PRKCI: variants seen among roughly 807,000 people sequenced by gnomAD.
PRKCI encodes the protein protein kinase C iota type.
In PRKCI, 43 loss-of-function variants were observed where a neutral mutation model predicts 84.0. The ratio of observed to expected loss-of-function variants is 0.51; its 90% confidence interval spans 0.40 to 0.66. PRKCI has a LOEUF of 0.66. Among genes scored for constraint, PRKCI ranks in the 30% least tolerant of loss-of-function variants. The pLI, the probability that PRKCI is intolerant of heterozygous loss-of-function variation, is 0.00. For synonymous variants in PRKCI, 216 were observed against 234.4 expected (o/e 0.92, Z 0.72); for missense variants, 459 against 745.6 (o/e 0.62, Z 4.48).
intron 8 of PRKCI, among the ~76,000 whole-genome samples, chr3:170,278,439 G>A (rs927618218): frequency 6.6e-6 from 1 of 152,122 alleles, no homozygotes; most frequent in Non-Finnish European, 1.5e-5. Context: ...ATCATTTGAG[G>A]CCAGTAGTTC....
intron 2 of PRKCI, among the ~76,000 whole-genome samples, chr3:170,241,575 A>T (rs2108839945): frequency 6.6e-6 from 1 of 152,162 alleles, no homozygotes; most frequent in South Asian, 2.1e-4. Context: ...TTATCCATTG[A>T]TGGGCATTTC....
chr3:170,222,834 A>G (rs548110397), intron 1 of PRKCI, 64 bp downstream of exon 1: 2 of 243,896 alleles, frequency 8.2e-6, no homozygotes, highest in Non-Finnish European at 1.2e-5. Context: ...GGCCTGGAGG[A>G]GGGGAGGGTG....
intron 1 of PRKCI, among the ~76,000 whole-genome samples, chr3:170,230,773 A>G (rs1216535885): frequency 6.6e-6 from 1 of 152,010 alleles, no homozygotes; most frequent in Non-Finnish European, 1.5e-5. Flanking sequence ...TTCACCACTG[A>G]TTTGAAATGG....
intron 2 of PRKCI, among the ~76,000 whole-genome samples, chr3:170,257,699 T>C (rs934792851): frequency 1.1e-4 from 17 of 151,358 alleles, no homozygotes; most frequent in Admixed American, 8.6e-4. Context: ...AGTCTCGCTC[T>C]TGTTGCCCAG....
chr3:170,232,516 T>C (rs1208616315), intron 1 of PRKCI, among the ~76,000 whole-genome samples: 2 of 151,892 alleles, frequency 1.3e-5, no homozygotes, highest in Non-Finnish European at 2.9e-5. Context: ...GATATGATTA[T>C]CTCCATTTTT....
chr3:170,237,427 A>G (rs1175874374), intron 2 of PRKCI, among the ~76,000 whole-genome samples: 1 of 152,208 alleles, frequency 6.6e-6, no homozygotes, highest in Non-Finnish European at 1.5e-5. Flanking sequence ...CATATTGGGT[A>G]CAGTGTACAC....
At chr3:170,253,377 C>T (rs1051846232) in intron 2 of PRKCI, among the ~76,000 whole-genome samples, 1 of 152,188 alleles carries the variant, frequency 6.6e-6, no homozygotes, top group Non-Finnish European at 1.5e-5. Flanking sequence ...TGGATAAAAA[C>T]CATTTTAACT....
intron 8 of PRKCI, among the ~76,000 whole-genome samples, chr3:170,277,567 G>A (rs1445246004): frequency 1.3e-5 from 2 of 151,958 alleles, no homozygotes; most frequent in African/African-American, 2.4e-5. Context: ...GGTGGCAGGC[G>A]CCTGTAGTCC....
chr3:170,267,905 C>G lies in PRKCI; in HGVS notation c.365-10C>G. ...CTTTTTTCTTTTTTTAACTATTACT[C>G]TGTCTTCAGAATCCATCTACCGTAG... On this transcript the variant is annotated splice_polypyrimidine_tract_variant and intron_variant, in intron 4 of 17. Transcript: ENST00000295797. 1 of 1,570,356 alleles carries G rather than the reference C, an allele frequency of 6.4e-7. No homozygotes were observed. The highest frequency in any genetic ancestry group is 8.7e-7 in the Non-Finnish European group (1 of 1,155,872).
chr3:170,293,559 T>TA, intron 14 of PRKCI, 51 bp downstream of exon 14: 1 of 1,567,928 alleles, frequency 6.4e-7, no homozygotes, highest in Non-Finnish European at 8.7e-7. Context: ...TATTCTAGAG[T>TA]ACAAATGAGA....
intron 17 of PRKCI, among the ~76,000 whole-genome samples, chr3:170,300,310 A>G (rs1451885386): frequency 2.6e-5 from 4 of 152,098 alleles, no homozygotes; most frequent in African/African-American, 9.7e-5. Flanking sequence ...GCATCTCAGA[A>G]TTGCTTTCTA....
chr3:170,256,791 G>T (rs73034372), intron 2 of PRKCI, among the ~76,000 whole-genome samples: 2,484 of 151,972 alleles, frequency 0.016, 78 homozygotes, highest in African/African-American at 0.057. Context: ...TTTTTTTGAT[G>T]TGGGCACTTA....
intron 11 of PRKCI, among the ~76,000 whole-genome samples, 186 bp from the exon 12 acceptor site, chr3:170,284,275 G>A (rs1284013677): frequency 6.6e-6 from 1 of 151,992 alleles, no homozygotes; most frequent in Non-Finnish European, 1.5e-5. Context: ...AAGTTAGACA[G>A]GAACTTTTAC....
Position 170,259,951 on chromosome 3 carries a change from T to C in PRKCI, c.224-18T>C, listed in dbSNP as rs771358669. On this transcript the variant is annotated intron_variant, in intron 2 of 17. Transcript: ENST00000295797. ...AGGGGTTTTAAAGTGACCTTTACTT[T>C]ACTTTTGTGTTTTTTAGGAGACCCG... The C allele has an allele frequency of 1.9e-6, 3 of 1,555,690 alleles. No individual in the cohort carries two copies. The highest frequency in any genetic ancestry group is 2.6e-6 in the Non-Finnish European group (3 of 1,140,744).
chr3:170,232,427 A>G (rs1732824865), intron 1 of PRKCI, among the ~76,000 whole-genome samples: 1 of 151,102 alleles, frequency 6.6e-6, no homozygotes, highest in Admixed American at 6.6e-5. Context: ...GTGCAATGAC[A>G]TAGTCACAGC....
chr3:170,235,703 C>T (rs1277889546), intron 2 of PRKCI, among the ~76,000 whole-genome samples: 10 of 151,458 alleles, frequency 6.6e-5, no homozygotes, highest in African/African-American at 2.4e-4. Context: ...GTAGCTGGGA[C>T]TACAAGTGTG....
At chr3:170,251,597 C>T (rs1733446648) in intron 2 of PRKCI, among the ~76,000 whole-genome samples, 2 of 152,106 alleles carry the variant, frequency 1.3e-5, no homozygotes, top group Admixed American at 6.6e-5. Context: ...CTGGAAAATA[C>T]AGAATTTAGT....
intron 4 of PRKCI, among the ~76,000 whole-genome samples, chr3:170,266,268 T>C (rs1733854701): frequency 1.3e-5 from 2 of 152,214 alleles, no homozygotes; most frequent in Non-Finnish European, 2.9e-5. Context: ...AAAGATATGC[T>C]TCTGGTACAA....
intron 1 of PRKCI, among the ~76,000 whole-genome samples, chr3:170,223,551 T>C (rs1374848066): frequency 6.6e-6 from 1 of 152,198 alleles, no homozygotes; most frequent in African/African-American, 2.4e-5. Flanking sequence ...TCTAAGTTCA[T>C]TGTGTTAAAT....
Sources: allele counts gnomAD v4.1 joint callset (sites outside exome capture counted in the v4.1 genomes callset), GRCh38; gene constraint gnomAD v4.1.1; transcripts MANE v1.5; gene names NCBI Gene and HGNC (gene_info 2026-07-23, HGNC 2026-07-21).